CACNA1C: variants seen among roughly 807,000 people sequenced by gnomAD.
CACNA1C encodes the protein voltage-dependent L-type calcium channel subunit alpha-1C.
CACNA1C carries 30 observed loss-of-function variants against 229.0 expected under a neutral mutation model. That is an observed-to-expected ratio of 0.13 (90% confidence interval 0.10 to 0.18). The LOEUF is 0.18. CACNA1C is among the 10% of genes least tolerant of loss of function. The pLI, the probability that CACNA1C is intolerant of heterozygous loss-of-function variation, is 1.00. For synonymous variants in CACNA1C, 1,114 were observed against 1,132.5 expected (o/e 0.98, Z 0.33); for missense variants, 1,658 against 2,845.0 (o/e 0.58, Z 9.49).
chr12:2,521,011 C>T lies in CACNA1C; in HGVS notation c.1390+8027C>T, dbSNP rs145496833. On this transcript the variant is annotated intron_variant, in intron 9 of 46. Coordinates refer to ENST00000399655, the MANE Select transcript of CACNA1C (RefSeq NM_000719.7). ...CCATCAGCTAATAAAGGCTCTGCTC[C>T]CCTTGGGGAGACGCCTACTTGACTT... Among the ~76,000 whole-genome samples the T allele has an allele frequency of 2.4e-3, 363 of 152,362 alleles. 3 individuals carry two copies. Among genetic ancestry groups the T allele is most frequent in the African/African-American group, 8.3e-3 (347 of 41,592 alleles).
chr12:2,082,209 T>A (rs1233336723), intron 1 of CACNA1C, among the ~76,000 whole-genome samples: 1 of 152,192 alleles, frequency 6.6e-6, no homozygotes, highest in East Asian at 1.9e-4. Flanking sequence ...CTCAGGCCTG[T>A]CTAGCCTGAG....
At chr12:2,258,938 A>G (rs1033548291) in intron 3 of CACNA1C, among the ~76,000 whole-genome samples, 2 of 152,224 alleles carry the variant, frequency 1.3e-5, no homozygotes, top group Non-Finnish European at 2.9e-5. Context: ...TATGAATTCA[A>G]TATAAATTAA....
chr12:2,660,499 C>T (rs3794291), intron 34 of CACNA1C: 87,580 of 152,536 alleles, frequency 0.57, 28,667 homozygotes, highest in Non-Finnish European at 0.72. Context: ...CAAATGCTGA[C>T]GTATTGCTCT....
chr12:2,105,461 A>T (rs2077881923), intron 1 of CACNA1C, among the ~76,000 whole-genome samples: 1 of 150,652 alleles, frequency 6.6e-6, no homozygotes, highest in Non-Finnish European at 1.5e-5. Flanking sequence ...GATGGGGGAG[A>T]GGAGGACCGG....
At chr12:2,531,724 C>T (rs989311222) in intron 9 of CACNA1C, among the ~76,000 whole-genome samples, 2 of 152,320 alleles carry the variant, frequency 1.3e-5, no homozygotes, top group Non-Finnish European at 1.5e-5. Context: ...TCGGGGCCCA[C>T]GCTCTCCTGC....
intron 8 of CACNA1C, among the ~76,000 whole-genome samples, chr12:2,507,021 A>G (rs559611537): frequency 2.4e-4 from 36 of 152,334 alleles, no homozygotes; most frequent in African/African-American, 8.7e-4. Flanking sequence ...CTCAGCCTAA[A>G]AGCGCTAGGG....
chr12:2,517,426 A>T (rs1487991479), intron 9 of CACNA1C, among the ~76,000 whole-genome samples: 4 of 152,250 alleles, frequency 2.6e-5, no homozygotes, highest in Admixed American at 1.3e-4. Flanking sequence ...CAATGCCAAT[A>T]CTAGCCACTG....
Position 2,486,234 on chromosome 12 carries a change from G to A in CACNA1C, c.888G>A (p.Lys296=). 1 of 1,613,632 alleles carries A rather than the reference G, an allele frequency of 6.2e-7. No individual in the cohort carries two copies. The highest frequency in any genetic ancestry group is 8.5e-7 in the Non-Finnish European group (1 of 1,179,738). ...GLELFMGKMH[K]TCYNQEGIAD... ...AGCTCTTCATGGGGAAGATGCACAA[G>A]ACCTGCTACAACCAGGAGGGCATAG... The change falls in exon 6 of 47, where the codon AAG becomes AAA. Residue 296 remains lysine (K), a synonymous_variant. Transcript: ENST00000399655. The surrounding 1 kb of genome is among the most constrained non-coding windows in gnomAD (Gnocchi z 4.9).
intron 30 of CACNA1C, among the ~76,000 whole-genome samples, chr12:2,644,897 G>A (rs916228582): frequency 6.6e-6 from 1 of 152,178 alleles, no homozygotes; most frequent in African/African-American, 2.4e-5. Flanking sequence ...CATATTGAAG[G>A]AAGGAAATCG....
At chr12:2,522,219 G>A (rs2099811366) in intron 9 of CACNA1C, among the ~76,000 whole-genome samples, 1 of 152,262 alleles carries the variant, frequency 6.6e-6, no homozygotes, top group African/African-American at 2.4e-5. Flanking sequence ...AGTCGGTGGG[G>A]GTGGCCCAGC....
At chr12:2,263,621 G>T (rs1411298216) in intron 3 of CACNA1C, among the ~76,000 whole-genome samples, 3 of 152,086 alleles carry the variant, frequency 2.0e-5, no homozygotes, top group Non-Finnish European at 4.4e-5. Context: ...AGTGATAAAG[G>T]TGGAGGTGGA....
chr12:2,389,271 G>A (rs551470686), intron 3 of CACNA1C, among the ~76,000 whole-genome samples: 3 of 152,114 alleles, frequency 2.0e-5, no homozygotes, highest in East Asian at 3.9e-4. Context: ...GTTGATCACC[G>A]GTGCACTTGG....
At chr12:2,028,120 C>G (rs1464926322) in intron 1 of CACNA1C, among the ~76,000 whole-genome samples, 5 of 152,198 alleles carry the variant, frequency 3.3e-5, no homozygotes, top group Non-Finnish European at 7.4e-5. Context: ...TAAAGAATGC[C>G]TAAGGATGCA....
At chr12:2,557,855 C>T (rs1205659369) in intron 11 of CACNA1C, among the ~76,000 whole-genome samples, 1 of 152,190 alleles carries the variant, frequency 6.6e-6, no homozygotes, top group African/African-American at 2.4e-5. Flanking sequence ...GGGTTATTTC[C>T]AGAGCACCCA....
At position 2,677,604 on chromosome 12, in the gene CACNA1C, G is replaced by C. The variant is rs758694102; in HGVS notation, c.4957-129G>C. 2.8e-6 allele frequency: 3 copies of C among 1,066,108 alleles called. No individual in the cohort carries two copies. The African/African-American group carries it at 4.7e-5, about 17-fold the overall frequency. The allele number at this position is 1,066,108 out of a possible 1,614,324, so 66.0% of individuals were successfully genotyped here. On this transcript the variant is annotated intron_variant, in intron 40 of 46. Transcript: ENST00000399655. The surrounding 1 kb of genome is among the most constrained non-coding windows in gnomAD (Gnocchi z 7.4). ...CAGTTCACACACACACAAACCTTCC[G>C]GAGGGTCGACTGGCTGGGTGGAGGA...
intron 8 of CACNA1C, among the ~76,000 whole-genome samples, chr12:2,508,865 C>T (rs372742867): frequency 2.0e-5 from 3 of 152,286 alleles, no homozygotes; most frequent in South Asian, 4.2e-4. Flanking sequence ...AGACATAGGA[C>T]TGGTGCTCTT....
intron 3 of CACNA1C, among the ~76,000 whole-genome samples, chr12:2,364,139 G>A (rs2097656376): frequency 6.6e-6 from 1 of 152,194 alleles, no homozygotes; most frequent in South Asian, 2.1e-4. Flanking sequence ...AGACCTAAAC[G>A]AGAGGTGAGG....
In CACNA1C at chr12:2,067,467, T is replaced by TG. The variant is rs955458867; in HGVS notation, c.49+13857dup. 1.6e-5 allele frequency among the ~76,000 whole-genome samples: 2 copies of TG among 122,006 alleles called. No individual in the cohort carries two copies. The highest frequency in any genetic ancestry group is 5.6e-5 in the African/African-American group (2 of 35,424). The allele number at this position is 122,006 out of a possible 152,430, so 80.0% of individuals were successfully genotyped here. The stretch of plus-strand genomic sequence containing the variant: ...GGATGCACGTGTGTGTGTGTGTGTG[T>TG]GTGTGTGTGTGTGTGCGCGCGTGTG... On this transcript the variant is annotated intron_variant, in intron 1 of 46. Transcript: ENST00000399655. This position sits in a 1 kb window ranked among gnomAD's most constrained non-coding sequence, Gnocchi z 5.3.
chr12:2,078,492 A>T (rs1382377452), intron 1 of CACNA1C, among the ~76,000 whole-genome samples: 1 of 152,230 alleles, frequency 6.6e-6, no homozygotes, highest in African/African-American at 2.4e-5. Flanking sequence ...AGAAGGATGA[A>T]TACTGCATGA....
Sources: allele counts gnomAD v4.1 joint callset (sites outside exome capture counted in the v4.1 genomes callset), GRCh38; gene constraint gnomAD v4.1.1; non-coding constraint Gnocchi (gnomAD v3.1); transcripts MANE v1.5; gene names NCBI Gene and HGNC (gene_info 2026-07-23, HGNC 2026-07-21).